The following FYN variants were observed in gnomAD, a reference collection of about 807,000 sequenced individuals.
The protein encoded by FYN is tyrosine-protein kinase Fyn.
A neutral mutation model predicts 70.2 loss-of-function variants in FYN; 10 were observed. The observed-to-expected ratio is 0.14, with a 90% confidence interval of 0.09 to 0.24. The LOEUF is 0.24. Ranked by LOEUF, FYN falls within the 10% of genes least tolerant of loss-of-function variation. The pLI, the probability that FYN is intolerant of heterozygous loss-of-function variation, is 1.00. For synonymous variants in FYN, 236 were observed against 248.6 expected (o/e 0.95, Z 0.48); for missense variants, 319 against 673.1 (o/e 0.47, Z 5.82).
rs112088516 is a variant in FYN, at chr6:111,754,885, A to T, written c.-12+25681T>A. Among the ~76,000 whole-genome samples, 88 of 152,226 alleles carry T rather than the reference A, an allele frequency of 5.8e-4. 1 individual carries two copies. Among genetic ancestry groups the T allele is most frequent in the African/African-American group, 2.0e-3 (84 of 41,552 alleles). ...TTTAGAACTTGTTAACAGTAATACG[A>T]TGTTAAAAGGACTCGAAATTCTGTT... is the stretch of plus-strand genomic sequence containing the variant. On this transcript the variant is annotated intron_variant, in intron 3 of 13. Coordinates refer to ENST00000354650, the MANE Select transcript of FYN (RefSeq NM_002037.5).
intron 2 of FYN, among the ~76,000 whole-genome samples, chr6:111,830,252 T>C (rs1772973141): frequency 6.6e-6 from 1 of 152,006 alleles, no homozygotes; most frequent in South Asian, 2.1e-4. Context: ...AGGGGCAGAG[T>C]GTCAGCAGTA....
chr6:111,742,858 T>C (rs1375025060), intron 3 of FYN, among the ~76,000 whole-genome samples: 1 of 152,046 alleles, frequency 6.6e-6, no homozygotes, highest in Non-Finnish European at 1.5e-5. Context: ...TGCCTACAAA[T>C]ACCCGTGCAA....
intron 1 of FYN, among the ~76,000 whole-genome samples, chr6:111,852,473 G>T (rs550691937): frequency 2.6e-5 from 4 of 152,282 alleles, no homozygotes; most frequent in Admixed American, 2.6e-4. Context: ...CTGAAATAAA[G>T]GGTGGTAGAG....
Position 111,736,908 on chromosome 6 carries a change from C to T in FYN, c.-11-16846G>A, listed in dbSNP as rs147536979. Reference sequence around the variant, plus strand: ...TAACAATTAGTGGATCTGCATAACTCTTATAGAAGAGACTGATTATTTATA... The same window carrying T: ...TAACAATTAGTGGATCTGCATAACTTTTATAGAAGAGACTGATTATTTATA... On this transcript the variant is annotated intron_variant, in intron 3 of 13. Coordinates refer to ENST00000354650, the MANE Select transcript of FYN (RefSeq NM_002037.5). Among the ~76,000 whole-genome samples the T allele has an allele frequency of 6.6e-5, 10 of 152,318 alleles. No individual in the cohort carries two copies. In the East Asian group the frequency reaches 1.7e-3, roughly 26 times the overall value.
chr6:111,725,678 A>C (rs1449735588), intron 3 of FYN, among the ~76,000 whole-genome samples: 1 of 152,218 alleles, frequency 6.6e-6, no homozygotes, highest in Non-Finnish European at 1.5e-5. Flanking sequence ...CTATGAAAAA[A>C]AGCATGCAGG....
intron 12 of FYN, among the ~76,000 whole-genome samples, chr6:111,674,859 G>A (rs1798463505): frequency 1.3e-5 from 2 of 151,998 alleles, no homozygotes; most frequent in African/African-American, 4.8e-5. Context: ...CAATAAAGGG[G>A]GGAAGAAGCC....
intron 3 of FYN, among the ~76,000 whole-genome samples, chr6:111,758,668 A>C (rs759921656): frequency 4.7e-4 from 71 of 152,238 alleles, no homozygotes; most frequent in Non-Finnish European, 1.3e-4. Context: ...GGCATGGCTC[A>C]GTGCCCCCAG....
chr6:111,829,100 A>G (rs542253152), intron 2 of FYN, among the ~76,000 whole-genome samples: 1 of 152,236 alleles, frequency 6.6e-6, no homozygotes, highest in Admixed American at 6.5e-5. Context: ...TTACGAAATG[A>G]GCTACTAAAT....
intron 2 of FYN, among the ~76,000 whole-genome samples, chr6:111,834,459 C>T (rs1013640790): frequency 5.9e-5 from 9 of 152,278 alleles, no homozygotes; most frequent in Admixed American, 3.9e-4. Context: ...GGCTTGGACT[C>T]GTCTTAGTTG....
chr6:111,733,816 G>A (rs1358106215), intron 3 of FYN, among the ~76,000 whole-genome samples: 1 of 152,184 alleles, frequency 6.6e-6, no homozygotes, highest in Non-Finnish European at 1.5e-5. Context: ...AGCCAGGCAC[G>A]GTGGCTCATG....
In FYN at chr6:111,756,999, A is replaced by G. The variant is rs140861282; in HGVS notation, c.-12+23567T>C. 1.5e-3 allele frequency among the ~76,000 whole-genome samples: 233 copies of G among 152,300 alleles called. 3 individuals are homozygous for G. The East Asian group carries it at 0.031, about 20-fold the overall frequency. On this transcript the variant is annotated intron_variant, in intron 3 of 13. Coordinates refer to ENST00000354650, the MANE Select transcript of FYN (RefSeq NM_002037.5). ...GTGCTATTTCCTGCAGGTCCTAGCCAGAGTGGTAGGAAAAGAAAAAATAAA... is the reference window on the plus strand; with the variant it reads ...GTGCTATTTCCTGCAGGTCCTAGCCGGAGTGGTAGGAAAAGAAAAAATAAA...
At chr6:111,872,346 G>T (rs1774300551) in intron 1 of FYN, among the ~76,000 whole-genome samples, 1 of 151,142 alleles carries the variant, frequency 6.6e-6, no homozygotes, top group Non-Finnish European at 1.5e-5. Context: ...AGGGAGCAGA[G>T]GGGTGGGGGA....
chr6:111,795,544 A>C (rs572852662), intron 2 of FYN, among the ~76,000 whole-genome samples: 1 of 152,330 alleles, frequency 6.6e-6, no homozygotes, highest in African/African-American at 2.4e-5. Flanking sequence ...TGTTTCACTC[A>C]CACATGTGGA....
At chr6:111,744,561 T>C (rs1802123632) in intron 3 of FYN, among the ~76,000 whole-genome samples, 2 of 152,200 alleles carry the variant, frequency 1.3e-5, no homozygotes, top group East Asian at 1.9e-4. Context: ...TGGGAACTTG[T>C]TCTTTGGAAC....
intron 2 of FYN, among the ~76,000 whole-genome samples, chr6:111,809,323 T>C (rs1049883530): frequency 6.6e-6 from 1 of 152,214 alleles, no homozygotes; most frequent in East Asian, 1.9e-4. Context: ...TCGCGATTGA[T>C]TGCCATTCTC....
chr6:111,732,655 T>C (rs1801519089), intron 3 of FYN, among the ~76,000 whole-genome samples: 1 of 152,200 alleles, frequency 6.6e-6, no homozygotes, highest in South Asian at 2.1e-4. Flanking sequence ...TGTGGCCAGA[T>C]CACTTAATTC....
chr6:111,710,400 T>C (rs1393516491), intron 5 of FYN, among the ~76,000 whole-genome samples: 2 of 152,194 alleles, frequency 1.3e-5, no homozygotes, highest in Non-Finnish European at 2.9e-5. Context: ...GCATTAACTA[T>C]CTCATTTTGG....
intron 5 of FYN, among the ~76,000 whole-genome samples, chr6:111,711,322 CTG>C (rs1181973438): frequency 6.6e-6 from 1 of 152,012 alleles, no homozygotes; most frequent in Non-Finnish European, 1.5e-5. Context: ...ATACTCCACT[CTG>C]TGTAAAACAT....
intron 13 of FYN, among the ~76,000 whole-genome samples, chr6:111,668,116 G>A (rs1798093126): frequency 6.6e-6 from 1 of 152,224 alleles, no homozygotes. Context: ...TGGGAAGGAG[G>A]AGGGGTGTTA....
Sources: allele counts gnomAD v4.1 joint callset (sites outside exome capture counted in the v4.1 genomes callset), GRCh38; gene constraint gnomAD v4.1.1; transcripts MANE v1.5; gene names NCBI Gene and HGNC (gene_info 2026-07-23, HGNC 2026-07-21).